Variants in KIAA1328 observed in about 807,000 individuals in gnomAD.
KIAA1328 encodes the protein KIAA1328.
In KIAA1328, 52 loss-of-function variants were observed where a neutral mutation model predicts 68.1. The ratio of observed to expected loss-of-function variants is 0.76; its 90% CI spans 0.61 to 0.96. KIAA1328 has a LOEUF of 0.96. Among genes scored for constraint, KIAA1328 ranks in the 40% least tolerant of loss-of-function variants. The probability of loss-of-function intolerance (pLI) is 0.00; values close to 1 mark genes in which losing one functional copy is unlikely to be tolerated. For missense variants in KIAA1328, 641 were observed against 677.6 expected, an observed-to-expected ratio of 0.95 and a Z score of 0.60; for synonymous variants, 232 against 239.4, an observed-to-expected ratio of 0.97 and a Z score of 0.28.
At chr18:36,854,247 C>G (rs1401265141) in intron 4 of KIAA1328, among the ~76,000 whole-genome samples, 1 of 152,142 alleles carries the variant, frequency 6.6e-6, no homozygotes, top group Non-Finnish European at 1.5e-5. Context: ...CCTGCTGACA[C>G]CTTGATCTTG....
intron 5 of KIAA1328, among the ~76,000 whole-genome samples, chr18:36,904,104 T>G (rs1173812189): frequency 6.6e-6 from 1 of 152,124 alleles, no homozygotes; most frequent in Non-Finnish European, 1.5e-5. Context: ...TCTCACAAAT[T>G]TGTAGCTTTG....
At chr18:37,155,396 C>A (rs1032898653) in intron 7 of KIAA1328, among the ~76,000 whole-genome samples, 1 of 152,172 alleles carries the variant, frequency 6.6e-6, no homozygotes, top group African/African-American at 2.4e-5. Flanking sequence ...CACCCTTCCC[C>A]AATCCTCCTC....
intron 8 of KIAA1328, among the ~76,000 whole-genome samples, chr18:37,172,075 A>G (rs2059510726): frequency 6.6e-6 from 1 of 152,184 alleles, no homozygotes; most frequent in African/African-American, 2.4e-5. Flanking sequence ...CCATTCCCAA[A>G]GTTAGCATAC....
chr18:37,133,317 A>G (rs1167476187), intron 7 of KIAA1328, among the ~76,000 whole-genome samples: 1 of 133,408 alleles, frequency 7.5e-6, no homozygotes, highest in African/African-American at 2.7e-5. Context: ...GGGCAATAAG[A>G]AAAAAAAAAA....
downstream of KIAA1328, among the ~76,000 whole-genome samples, chr18:37,227,786 A>G (rs373075243): frequency 5.1e-4 from 78 of 152,348 alleles, no homozygotes; most frequent in Middle Eastern, 0.02. Context: ...CCCATGGATC[A>G]AGGAGTAATT....
intron 6 of KIAA1328, among the ~76,000 whole-genome samples, chr18:36,973,812 T>TACACACACACAC (rs761416952): frequency 1.9e-3 from 193 of 103,678 alleles, no homozygotes; most frequent in East Asian, 0.016. Context: ...TGTACGCACA[T>TACACACACACAC]ACACACACAC....
intron 6 of KIAA1328, among the ~76,000 whole-genome samples, chr18:37,039,701 A>T (rs322654): frequency 1.3e-5 from 2 of 152,034 alleles, no homozygotes; most frequent in African/African-American, 2.4e-5. Flanking sequence ...ATCAGCCACC[A>T]CACCCTGCCT....
At chr18:37,058,087 C>G (rs555289312) in intron 6 of KIAA1328, among the ~76,000 whole-genome samples, 44 of 152,212 alleles carry the variant, frequency 2.9e-4, no homozygotes, top group African/African-American at 9.6e-4. Context: ...TGCAAAGAGT[C>G]AGGGACTGTA....
chr18:36,904,764 C>T (rs2049157953), intron 5 of KIAA1328, among the ~76,000 whole-genome samples: 1 of 151,856 alleles, frequency 6.6e-6, no homozygotes, highest in East Asian at 1.9e-4. Context: ...TAGTTTGTTC[C>T]ATTTGACCTT....
At chr18:37,160,412 G>A in intron 8 of KIAA1328, 31 bp downstream of exon 8, 5 of 1,580,784 alleles carry the variant, frequency 3.2e-6, no homozygotes, top group Non-Finnish European at 4.3e-6. Flanking sequence ...GGCAAAATGA[G>A]AAACTGGTAG....
rs145282857 is a variant in KIAA1328, at chr18:37,095,783, A to C, written c.1232+28238A>C. Among the ~76,000 whole-genome samples the C allele has an allele frequency of 4.8e-3, 725 of 152,332 alleles. 6 individuals carry two copies. Among genetic ancestry groups the C allele is most frequent in the Non-Finnish European group, 8.3e-3 (566 of 68,018 alleles). On this transcript the variant is annotated intron_variant, in intron 7 of 9. Transcript: ENST00000280020. ...TAACTAAGGAAAAAAGAAGACCCAA[A>C]TAAATAAAATCAAAATGAAAAAGAC...
intron 6 of KIAA1328, among the ~76,000 whole-genome samples, chr18:36,996,593 CTTCTAGT>C (rs1266427460): frequency 6.6e-6 from 1 of 151,940 alleles, no homozygotes; most frequent in Non-Finnish European, 1.5e-5. Context: ...TCGTTTAAGG[CTTCTAGT>C]TAGTATACCA....
chr18:36,973,438 C>T (rs1292677388), intron 6 of KIAA1328, among the ~76,000 whole-genome samples: 3 of 151,932 alleles, frequency 2.0e-5, no homozygotes, highest in African/African-American at 4.8e-5. Flanking sequence ...CAAACCTACA[C>T]GTTGTGCACA....
chr18:36,908,451 C>A (rs2121023), intron 5 of KIAA1328, among the ~76,000 whole-genome samples: 16 of 152,120 alleles, frequency 1.1e-4, no homozygotes, highest in South Asian at 4.2e-4. Flanking sequence ...GCAATCCTCT[C>A]GCCTCAGCCT....
At chr18:37,044,703 A>C (rs1278794177) in intron 6 of KIAA1328, among the ~76,000 whole-genome samples, 1 of 151,526 alleles carries the variant, frequency 6.6e-6, no homozygotes, top group Non-Finnish European at 1.5e-5. Flanking sequence ...TGGGAGGCTG[A>C]GGCAGAGAAT....
At chr18:37,067,652 C>T (rs1038792472) in intron 7 of KIAA1328, 107 bp downstream of exon 7, 3 of 1,205,460 alleles carry the variant, frequency 2.5e-6, no homozygotes, top group African/African-American at 3.1e-5. Flanking sequence ...CCTCCGCCTC[C>T]CGAGTTCAAG....
At chr18:37,155,952 G>A (rs1387095147) in intron 7 of KIAA1328, among the ~76,000 whole-genome samples, 1 of 152,146 alleles carries the variant, frequency 6.6e-6, no homozygotes, top group Non-Finnish European at 1.5e-5. Flanking sequence ...TTAAGTTTGA[G>A]TATTTCAGGA....
intron 4 of KIAA1328, among the ~76,000 whole-genome samples, chr18:36,848,705 T>C (rs2047116319): frequency 1.3e-5 from 2 of 151,440 alleles, no homozygotes; most frequent in African/African-American, 4.8e-5. Flanking sequence ...ATAGATGTTC[T>C]TTATCAAATT....
intron 9 of KIAA1328, among the ~76,000 whole-genome samples, chr18:37,214,580 T>C (rs921240926): frequency 6.6e-6 from 1 of 152,114 alleles, no homozygotes. Context: ...AAGTCAGGTA[T>C]CGTGATGCCT....
Sources: gnomAD v4.1 joint callset for allele counts (sites outside exome capture counted in the v4.1 genomes callset) on GRCh38, gnomAD v4.1.1 for gene constraint, MANE v1.5 for transcripts, NCBI Gene and HGNC (gene_info 2026-07-23, HGNC 2026-07-21) for gene names.